Variants in ACOXL observed in about 807,000 individuals in gnomAD.
ACOXL encodes acyl-coenzyme A oxidase-like protein.
ACOXL carries 70 observed loss-of-function variants against 71.9 expected under a neutral mutation model. The observed-to-expected ratio is 0.97, with a 90% confidence interval of 0.80 to 1.19. ACOXL has a LOEUF of 1.19. ACOXL is among the 50% of genes most tolerant of loss of function. ACOXL has a pLI of 0.00. For missense variants in ACOXL, 703 were observed against 736.3 expected, an observed-to-expected ratio of 0.95 and a Z score of 0.52; for synonymous variants, 253 against 281.6, an observed-to-expected ratio of 0.90 and a Z score of 1.02.
chr2:110,965,888 G>A (rs2061904169), intron 12 of ACOXL, among the ~76,000 whole-genome samples: 1 of 152,132 alleles, frequency 6.6e-6, no homozygotes, highest in South Asian at 2.1e-4. Flanking sequence ...CACATCCCCT[G>A]TATCTCTAAT....
chr2:110,805,510 G>A (rs1686528962), intron 9 of ACOXL, 115 bp downstream of exon 9: 2 of 1,437,378 alleles, frequency 1.4e-6, no homozygotes, highest in Non-Finnish European at 1.9e-6. Flanking sequence ...AATATGGCCA[G>A]GGTTCCCGGT....
Position 110,768,474 on chromosome 2 carries a change from A to G in ACOXL, c.75+10A>G, listed in dbSNP as rs1270718661. On this transcript the variant is annotated intron_variant, in intron 2 of 17. Coordinates refer to ENST00000439055, the MANE Select transcript of ACOXL (RefSeq NM_001142807.4). ...TGCAGGTCAGGATCTGGTAAGTGTC[A>G]TTATTATTCTGGTATGGTTGTGTGT... 1.3e-6 allele frequency: 2 copies of G among 1,593,068 alleles called. No individual in the cohort carries two copies. Among genetic ancestry groups the G allele is most frequent in the South Asian group, 1.1e-5 (1 of 90,650 alleles).
At chr2:111,004,056 CAT>C (rs1294721706) in intron 14 of ACOXL, among the ~76,000 whole-genome samples, 1 of 152,156 alleles carries the variant, frequency 6.6e-6, no homozygotes, top group Non-Finnish European at 1.5e-5. Flanking sequence ...TGTATCTTGA[CAT>C]AAAATGATTC....
intron 9 of ACOXL, among the ~76,000 whole-genome samples, chr2:110,813,678 T>C (rs899773786): frequency 5.3e-5 from 8 of 152,194 alleles, no homozygotes; most frequent in Admixed American, 3.9e-4. Flanking sequence ...ACTGTCCTTT[T>C]CCCTCACTCC....
intron 9 of ACOXL, among the ~76,000 whole-genome samples, chr2:110,831,178 A>G (rs1215082067): frequency 6.6e-6 from 1 of 152,194 alleles, no homozygotes; most frequent in Non-Finnish European, 1.5e-5. Context: ...TAAAGATCAG[A>G]AAAAAGACAT....
chr2:110,947,660 G>A (rs1289096233), intron 12 of ACOXL, among the ~76,000 whole-genome samples: 1 of 152,190 alleles, frequency 6.6e-6, no homozygotes, highest in Non-Finnish European at 1.5e-5. Context: ...GGAGCTGCCT[G>A]GTTGGGGTTC....
intron 14 of ACOXL, among the ~76,000 whole-genome samples, chr2:111,019,447 C>T (rs561034259): frequency 2.0e-5 from 3 of 152,236 alleles, no homozygotes; most frequent in East Asian, 1.9e-4. Context: ...TAATGAAAAC[C>T]GGACTCTTCA....
chr2:110,822,652 T>A (rs1688752864), intron 9 of ACOXL, among the ~76,000 whole-genome samples: 2 of 152,182 alleles, frequency 1.3e-5, no homozygotes, highest in African/African-American at 4.8e-5. Flanking sequence ...TGAGAGCCCC[T>A]CAATGTTTAA....
intron 16 of ACOXL, among the ~76,000 whole-genome samples, chr2:111,091,398 T>C (rs1385437348): frequency 1.3e-5 from 2 of 152,332 alleles, no homozygotes; most frequent in East Asian, 1.9e-4. Flanking sequence ...AGAACTCTTA[T>C]ACTTCTAGAG....
chr2:111,024,293 C>T (rs901421164), intron 14 of ACOXL, among the ~76,000 whole-genome samples: 1 of 152,158 alleles, frequency 6.6e-6, no homozygotes, highest in Non-Finnish European at 1.5e-5. Flanking sequence ...GAAATAGGGT[C>T]TTTGCAGATG....
chr2:111,016,090 G>A (rs1349653345), intron 14 of ACOXL, among the ~76,000 whole-genome samples: 1 of 137,936 alleles, frequency 7.2e-6, no homozygotes, highest in African/African-American at 2.8e-5. Flanking sequence ...GTCCCACCAC[G>A]CCTGGCTAAT....
At chr2:110,790,765 A>C (rs1216239415) in intron 3 of ACOXL, among the ~76,000 whole-genome samples, 1 of 151,294 alleles carries the variant, frequency 6.6e-6, no homozygotes, top group Non-Finnish European at 1.5e-5. Flanking sequence ...GTTGATGCCT[A>C]CCTCCCATTA....
At chr2:110,896,732 A>G (rs184607751) in intron 10 of ACOXL, among the ~76,000 whole-genome samples, 112 of 152,336 alleles carry the variant, frequency 7.4e-4, no homozygotes, top group Non-Finnish European at 1.3e-3. Context: ...AAATACGTGA[A>G]GTGAAAACTA....
intron 10 of ACOXL, among the ~76,000 whole-genome samples, chr2:110,880,385 C>T (rs1422750189): frequency 6.6e-6 from 1 of 152,122 alleles, no homozygotes; most frequent in African/African-American, 2.4e-5. Context: ...CTTTTTTAAA[C>T]TTAGCAGTGT....
intron 13 of ACOXL, among the ~76,000 whole-genome samples, chr2:110,991,168 C>T (rs1285502657): frequency 2.0e-5 from 3 of 152,010 alleles, no homozygotes; most frequent in Non-Finnish European, 4.4e-5. Flanking sequence ...GGAATTTATT[C>T]ATTTGGTTTT....
At chr2:110,942,879 GA>G (rs968555349) in intron 12 of ACOXL, among the ~76,000 whole-genome samples, 6 of 135,120 alleles carry the variant, frequency 4.4e-5, no homozygotes, top group Non-Finnish European at 7.8e-5. Context: ...GTGTGACCCT[GA>G]AAAAAAAAGG....
At chr2:111,107,022 G>A (rs1048084234) in intron 17 of ACOXL, among the ~76,000 whole-genome samples, 1 of 152,210 alleles carries the variant, frequency 6.6e-6, no homozygotes, top group African/African-American at 2.4e-5. Context: ...TCCAGGTTGA[G>A]GTGGAGGTAC....
chr2:110,967,800 G>A (rs1341628813), intron 12 of ACOXL: 2 of 787,284 alleles, frequency 2.5e-6, no homozygotes, highest in African/African-American at 1.7e-5. Flanking sequence ...GCAGGTCTCT[G>A]TTGAGCCACG....
At chr2:110,968,597 C>A in intron 12 of ACOXL, 1 of 913,706 alleles carries the variant, frequency 1.1e-6, no homozygotes, top group South Asian at 1.6e-5. Flanking sequence ...TGAAAAGAAG[C>A]CCAAGAAAGA....
Sources: gnomAD v4.1 joint callset for allele counts (sites outside exome capture counted in the v4.1 genomes callset) on GRCh38, gnomAD v4.1.1 for gene constraint, MANE v1.5 for transcripts, NCBI Gene and HGNC (gene_info 2026-07-23, HGNC 2026-07-21) for gene names.